The following TMCC1 variants were observed in gnomAD, a reference collection of about 807,000 sequenced individuals.
TMCC1 encodes the protein transmembrane and coiled-coil domain family 1.
Under a neutral mutation model 52.4 loss-of-function variants are expected in TMCC1, and 15 were observed. The ratio of observed to expected loss-of-function variants is 0.29; its 90% CI spans 0.19 to 0.44. The LOEUF (loss-of-function observed/expected upper bound fraction) is 0.44, where lower values mean the gene tolerates loss of function less well. Among genes scored for constraint, TMCC1 ranks in the 20% least tolerant of loss-of-function variants. The probability of loss-of-function intolerance (pLI) is 1.00; values close to 1 mark genes in which losing one functional copy is unlikely to be tolerated. For synonymous variants in TMCC1, 279 were observed against 301.9 expected, an observed-to-expected ratio of 0.92 and a Z score of 0.79; for missense variants, 503 against 806.0, an observed-to-expected ratio of 0.62 and a Z score of 4.55.
At chr3:129,759,047 T>C (rs1345320428) in intron 4 of TMCC1, among the ~76,000 whole-genome samples, 2 of 152,204 alleles carry the variant, frequency 1.3e-5, no homozygotes, top group Admixed American at 6.5e-5. Flanking sequence ...CCACATTTTG[T>C]TTATCCATTT....
intron 4 of TMCC1, among the ~76,000 whole-genome samples, chr3:129,728,899 G>C (rs1441576889): frequency 6.6e-6 from 1 of 152,156 alleles, no homozygotes; most frequent in South Asian, 2.1e-4. Flanking sequence ...ATGTATCATA[G>C]TTCATTCCTT....
At chr3:129,775,515 A>C (rs1186043712) in intron 4 of TMCC1, among the ~76,000 whole-genome samples, 1 of 152,206 alleles carries the variant, frequency 6.6e-6, no homozygotes, top group African/African-American at 2.4e-5. Context: ...TTCTGTCTTA[A>C]GCCACTGGGT....
chr3:129,720,503 A>C (rs1315262478), intron 4 of TMCC1, among the ~76,000 whole-genome samples: 2 of 152,072 alleles, frequency 1.3e-5, no homozygotes, highest in Non-Finnish European at 2.9e-5. Context: ...AAACCTTGAG[A>C]GGTCCAGCCA....
chr3:129,808,125 TG>T (rs2057571401), intron 4 of TMCC1, among the ~76,000 whole-genome samples: 1 of 150,672 alleles, frequency 6.6e-6, no homozygotes, highest in South Asian at 2.1e-4. Flanking sequence ...AAGGCTGTAG[TG>T]AGCTGCGACT....
chr3:129,837,882 G>C (rs72987365), intron 2 of TMCC1, among the ~76,000 whole-genome samples: 14,743 of 152,190 alleles, frequency 0.097, 840 homozygotes, highest in Middle Eastern at 0.16. Flanking sequence ...ATGCCTTTGA[G>C]AGGCTTATCA....
intron 4 of TMCC1, among the ~76,000 whole-genome samples, chr3:129,797,269 T>TGA (rs1215812160): frequency 6.6e-6 from 1 of 150,672 alleles, no homozygotes; most frequent in East Asian, 2.0e-4. Context: ...GAGCTTGCAG[T>TGA]GAGCCGAGAT....
intron 2 of TMCC1, among the ~76,000 whole-genome samples, chr3:129,858,299 C>T (rs576618162): frequency 1.3e-4 from 20 of 152,208 alleles, no homozygotes; most frequent in Non-Finnish European, 2.2e-4. Flanking sequence ...AGCTTCAAGA[C>T]ACACGAAAAA....
At chr3:129,731,507 G>A (rs2050537386) in intron 4 of TMCC1, among the ~76,000 whole-genome samples, 4 of 152,228 alleles carry the variant, frequency 2.6e-5, no homozygotes, top group Admixed American at 2.6e-4. Context: ...GAACCCAGGA[G>A]GCAGAGGTTG....
intron 4 of TMCC1, among the ~76,000 whole-genome samples, chr3:129,724,646 G>T (rs1181958498): frequency 6.6e-6 from 1 of 152,178 alleles, no homozygotes; most frequent in African/African-American, 2.4e-5. Context: ...AAGAATGTGT[G>T]CCTTTAGAAA....
intron 6 of TMCC1, among the ~76,000 whole-genome samples, chr3:129,654,160 C>T (rs948423191): frequency 3.3e-5 from 5 of 152,172 alleles, no homozygotes; most frequent in Admixed American, 1.3e-4. Context: ...CAAAGTTGGT[C>T]TGAGCCTTGA....
At chr3:129,772,322 T>G (rs973174921) in intron 4 of TMCC1, among the ~76,000 whole-genome samples, 1 of 150,470 alleles carries the variant, frequency 6.6e-6, no homozygotes, top group Non-Finnish European at 1.5e-5. Flanking sequence ...GTCTGGGCGA[T>G]AGAGTGGAGA....
chr3:129,821,730 A>G (rs2058433333), intron 4 of TMCC1, among the ~76,000 whole-genome samples: 1 of 152,304 alleles, frequency 6.6e-6, no homozygotes, highest in African/African-American at 2.4e-5. Context: ...CAATGCAGAA[A>G]TAACTCCATG....
At chr3:129,719,691 A>T (rs116240415) in intron 4 of TMCC1, among the ~76,000 whole-genome samples, 33 of 152,314 alleles carry the variant, frequency 2.2e-4, no homozygotes, top group African/African-American at 6.7e-4. Context: ...ATCTCCACAG[A>T]CCTGGCATCA....
chr3:129,812,089 C>T (rs1422218396), intron 4 of TMCC1, among the ~76,000 whole-genome samples: 1 of 151,914 alleles, frequency 6.6e-6, no homozygotes, highest in Non-Finnish European at 1.5e-5. Flanking sequence ...TGCCTATAAT[C>T]CCAGCACTTT....
chr3:129,723,498 T>C lies in TMCC1; in HGVS notation c.577-52234A>G, dbSNP rs570501865. Among the ~76,000 whole-genome samples the C allele has an allele frequency of 1.9e-3, 295 of 152,048 alleles. 4 individuals carry two copies. Among genetic ancestry groups the C allele is most frequent in the African/African-American group, 6.7e-3 (276 of 41,490 alleles). ...CATCTTCGAATTTAACCCATGTTTT[T>C]CCCAAGCAGTCCAAGGCAAATGAAA... On this transcript the variant is annotated intron_variant, in intron 4 of 6. Transcript: ENST00000393238.
intron 4 of TMCC1, among the ~76,000 whole-genome samples, chr3:129,812,038 C>T (rs2057842292): frequency 6.6e-6 from 1 of 150,794 alleles, no homozygotes; most frequent in Non-Finnish European, 1.5e-5. Flanking sequence ...GGGCTTTTAC[C>T]TTTGTGTTAA....
intron 4 of TMCC1, among the ~76,000 whole-genome samples, chr3:129,708,629 AAGC>A (rs1193234030): frequency 2.6e-5 from 4 of 152,362 alleles, no homozygotes; most frequent in African/African-American, 9.6e-5. Context: ...TCAACTGACT[AAGC>A]ATGTCAATAT....
At chr3:129,844,122 C>T (rs536994921) in intron 2 of TMCC1, among the ~76,000 whole-genome samples, 4 of 152,132 alleles carry the variant, frequency 2.6e-5, no homozygotes, top group Non-Finnish European at 5.9e-5. Context: ...ATAAGAAAAC[C>T]ATGTGATCAT....
chr3:129,805,798 G>A (rs976780505), intron 4 of TMCC1, among the ~76,000 whole-genome samples: 52 of 152,114 alleles, frequency 3.4e-4, no homozygotes, highest in African/African-American at 1.2e-3. Flanking sequence ...ATAGCTGGGT[G>A]TGGTGGCACC....
Sources: allele counts gnomAD v4.1 joint callset (sites outside exome capture counted in the v4.1 genomes callset), GRCh38; gene constraint gnomAD v4.1.1; transcripts MANE v1.5; gene names NCBI Gene and HGNC (gene_info 2026-07-23, HGNC 2026-07-21).